Variants in GPC5 observed in about 807,000 individuals in gnomAD.
GPC5 encodes glypican-5.
GPC5 carries 47 observed loss-of-function variants against 53.9 expected under a neutral mutation model. That is an observed-to-expected ratio of 0.87 (90% CI 0.69 to 1.11). GPC5 has a LOEUF of 1.11. GPC5 is among the 50% of genes most tolerant of loss of function. The pLI is 0.00. For synonymous variants in GPC5, 286 were observed against 263.3 expected (o/e 1.09, Z -0.84); for missense variants, 748 against 713.1 (o/e 1.05, Z -0.56).
At chr13:92,359,150 C>T (rs187127408) in intron 7 of GPC5, among the ~76,000 whole-genome samples, 13 of 151,776 alleles carry the variant, frequency 8.6e-5, no homozygotes, top group Non-Finnish European at 1.8e-4. Flanking sequence ...ATCTTGAGTG[C>T]TTTGCTGCTT....
At chr13:92,486,069 T>C (rs188165977) in intron 7 of GPC5, among the ~76,000 whole-genome samples, 1 of 152,340 alleles carries the variant, frequency 6.6e-6, no homozygotes, top group Non-Finnish European at 1.5e-5. Context: ...GTCTTAATGA[T>C]CCAGATTTCC....
At chr13:91,591,152 C>A (rs2032782566) in intron 2 of GPC5, among the ~76,000 whole-genome samples, 1 of 152,156 alleles carries the variant, frequency 6.6e-6, no homozygotes, top group Non-Finnish European at 1.5e-5. Flanking sequence ...TTTCGGTCAA[C>A]CTTCTATTCT....
intron 5 of GPC5, among the ~76,000 whole-genome samples, chr13:91,845,475 T>C (rs2038838116): frequency 6.6e-6 from 1 of 152,216 alleles, no homozygotes; most frequent in Admixed American, 6.5e-5. Context: ...GTTACCTTTT[T>C]GTTGTTGTTA....
rs544627013 is a variant in GPC5, at chr13:91,617,405, GA to G, written c.326-75777del. ...TGGGTGGCAGAAGGATGTTAAGGGA[GA>G]AAAACACTGCCTGAACAGGCATAGC... On this transcript the variant is annotated intron_variant, in intron 2 of 7. Transcript: ENST00000377067. 9.3e-4 allele frequency among the ~76,000 whole-genome samples: 142 copies of G among 152,208 alleles called. 3 individuals carry two copies. The highest frequency in any genetic ancestry group is 7.9e-3 in the Admixed American group (120 of 15,270).
intron 2 of GPC5, among the ~76,000 whole-genome samples, chr13:91,689,176 CATATAT>C (rs2035687915): frequency 3.4e-5 from 2 of 59,010 alleles, no homozygotes; most frequent in South Asian, 5.9e-4. Context: ...CTCAAAAAAT[CATATAT>C]AAATATATAT....
At chr13:92,110,980 T>C (rs988845385) in intron 6 of GPC5, among the ~76,000 whole-genome samples, 2 of 152,204 alleles carry the variant, frequency 1.3e-5, no homozygotes, top group Non-Finnish European at 2.9e-5. Context: ...TGTTGGGTAC[T>C]GGACTAATCA....
chr13:91,524,708 C>T (rs1434283264), intron 2 of GPC5, among the ~76,000 whole-genome samples: 3 of 152,058 alleles, frequency 2.0e-5, no homozygotes, highest in Non-Finnish European at 4.4e-5. Flanking sequence ...AACTGCTGCC[C>T]CTGACTGATA....
At chr13:92,093,939 A>T (rs1368693472) in intron 6 of GPC5, among the ~76,000 whole-genome samples, 1 of 152,234 alleles carries the variant, frequency 6.6e-6, no homozygotes, top group Non-Finnish European at 1.5e-5. Context: ...TAATTCAAAT[A>T]TGTCATAAAA....
intron 7 of GPC5, among the ~76,000 whole-genome samples, chr13:92,507,496 T>C (rs1303118330): frequency 6.6e-6 from 1 of 152,206 alleles, no homozygotes; most frequent in Admixed American, 6.5e-5. Context: ...AAATGTGTTA[T>C]TTACAAAAAC....
At chr13:91,410,203 C>T (rs141392267) in intron 1 of GPC5, among the ~76,000 whole-genome samples, 6 of 151,996 alleles carry the variant, frequency 3.9e-5, no homozygotes, top group African/African-American at 9.7e-5. Context: ...ATTGGGAAGG[C>T]GGTTTGTAAA....
At chr13:92,858,214 T>C (rs553793182) in intron 7 of GPC5, among the ~76,000 whole-genome samples, 44 of 152,264 alleles carry the variant, frequency 2.9e-4, no homozygotes, top group African/African-American at 7.2e-4. Flanking sequence ...AATTGAATCA[T>C]GGGGACAGGT....
intron 7 of GPC5, chr13:92,446,891 A>C (rs1227622300): frequency 6.6e-6 from 1 of 152,094 alleles, no homozygotes; most frequent in Non-Finnish European, 1.5e-5. Flanking sequence ...GGTGATGTTG[A>C]GTATCTTTTC....
At chr13:91,918,231 G>A (rs1431632479) in intron 6 of GPC5, among the ~76,000 whole-genome samples, 2 of 152,106 alleles carry the variant, frequency 1.3e-5, no homozygotes, top group Non-Finnish European at 2.9e-5. Context: ...AACAGCATAA[G>A]GGAAACCACC....
intron 1 of GPC5, among the ~76,000 whole-genome samples, chr13:91,437,621 C>A (rs995421992): frequency 2.6e-5 from 4 of 152,172 alleles, no homozygotes; most frequent in Admixed American, 2.6e-4. Flanking sequence ...TTTGGTGAAT[C>A]TGACAATTAT....
At chr13:92,606,194 C>G (rs767474693) in intron 7 of GPC5, among the ~76,000 whole-genome samples, 2 of 152,088 alleles carry the variant, frequency 1.3e-5, no homozygotes, top group South Asian at 4.2e-4. Flanking sequence ...CCCATTAACT[C>G]GTCATTTACA....
chr13:92,174,968 GCCTC>G (rs1438383421), intron 7 of GPC5, among the ~76,000 whole-genome samples: 2 of 152,114 alleles, frequency 1.3e-5, no homozygotes, highest in Non-Finnish European at 2.9e-5. Flanking sequence ...TCCTGTCTCA[GCCTC>G]CCGAGTAGCT....
At chr13:91,498,509 G>T (rs907850412) in intron 2 of GPC5, among the ~76,000 whole-genome samples, 1 of 152,156 alleles carries the variant, frequency 6.6e-6, no homozygotes, top group Non-Finnish European at 1.5e-5. Flanking sequence ...ATTAACTAGG[G>T]TGTGAACTGG....
chr13:92,735,245 G>C (rs9561132), intron 7 of GPC5, among the ~76,000 whole-genome samples: 1 of 151,642 alleles, frequency 6.6e-6, no homozygotes, highest in African/African-American at 2.4e-5. Flanking sequence ...AATTATGTTA[G>C]TTAATAAGTT....
chr13:91,862,201 G>A lies in GPC5; in HGVS notation c.1281-45736G>A, dbSNP rs1405281274. 2.0e-5 allele frequency among the ~76,000 whole-genome samples: 3 copies of A among 152,192 alleles called. No homozygotes were observed. In the East Asian group the frequency reaches 5.8e-4, roughly 29 times the overall value. Reference sequence around the variant, plus strand: ...TAAAAAATTTCTGTTAGCATGTTTTGTAGTGAAGATTTGCTGGTGACAAAT... The same window carrying A: ...TAAAAAATTTCTGTTAGCATGTTTTATAGTGAAGATTTGCTGGTGACAAAT... On this transcript the variant is annotated intron_variant, in intron 5 of 7. Coordinates refer to ENST00000377067, the MANE Select transcript of GPC5 (RefSeq NM_004466.6).
Sources: allele counts gnomAD v4.1 joint callset (sites outside exome capture counted in the v4.1 genomes callset), GRCh38; gene constraint gnomAD v4.1.1; transcripts MANE v1.5; gene names NCBI Gene and HGNC (gene_info 2026-07-23, HGNC 2026-07-21).